Variants in RAPGEF5 observed in about 807,000 individuals in gnomAD.
RAPGEF5 encodes the protein M-Ras-regulated GEF.
Under a neutral mutation model 125.2 loss-of-function variants are expected in RAPGEF5, and 65 were observed. The ratio of observed to expected loss-of-function variants is 0.52; its 90% confidence interval spans 0.43 to 0.64. The LOEUF (loss-of-function observed/expected upper bound fraction) is 0.64, where lower values mean the gene tolerates loss of function less well. Ranked by LOEUF, RAPGEF5 falls within the 30% of genes least tolerant of loss-of-function variation. RAPGEF5 has a pLI of 0.00. For synonymous variants in RAPGEF5, 391 were observed against 385.9 expected (o/e 1.01, Z -0.16); for missense variants, 958 against 1,048.1 (o/e 0.91, Z 1.19).
At chr7:22,155,218 T>C (rs985281147) in intron 16 of RAPGEF5, among the ~76,000 whole-genome samples, 74 of 152,358 alleles carry the variant, frequency 4.9e-4, no homozygotes, top group African/African-American at 1.7e-3. Flanking sequence ...AGTTTCCAAA[T>C]GGAGGTCACA....
intron 8 of RAPGEF5, among the ~76,000 whole-genome samples, chr7:22,222,758 G>C (rs1325389122): frequency 6.6e-6 from 1 of 152,176 alleles, no homozygotes; most frequent in East Asian, 1.9e-4. Flanking sequence ...CAGGATCATT[G>C]TATGTCCTGG....
rs1381735713 is a variant in RAPGEF5 at position 22,310,694 on chromosome 7, C to A, written c.390-604G>T. 2.0e-5 allele frequency among the ~76,000 whole-genome samples: 3 copies of A among 152,084 alleles called. No homozygotes were observed. In the East Asian group the frequency reaches 5.8e-4, roughly 29 times the overall value. On this transcript the variant is annotated intron_variant, in intron 3 of 25. Transcript: ENST00000665637. Reference sequence around the variant, plus strand: ...TGCTATTCTTCAAACAAAGATTGAACCCTAAAATTTACTCCAAGAACAATA... The same window carrying A: ...TGCTATTCTTCAAACAAAGATTGAAACCTAAAATTTACTCCAAGAACAATA...
chr7:22,291,377 G>T (rs1782932015), intron 5 of RAPGEF5, 136 bp from the exon 6 acceptor site: 2 of 1,360,620 alleles, frequency 1.5e-6, no homozygotes, highest in South Asian at 1.6e-5. Flanking sequence ...AACAAAGGTT[G>T]TGACAGTAAC....
chr7:22,310,225 T>C, intron 3 of RAPGEF5, 135 bp from the exon 4 acceptor site: 1 of 899,032 alleles, frequency 1.1e-6, no homozygotes, highest in Non-Finnish European at 1.5e-6. Flanking sequence ...AAATGGCATA[T>C]ACCTCTTATT....
At chr7:22,122,582 C>A (rs1222232338) in intron 25 of RAPGEF5, 61 bp from the exon 26 acceptor site, 5 of 1,217,262 alleles carry the variant, frequency 4.1e-6, no homozygotes, top group Non-Finnish European at 6.0e-6. Flanking sequence ...TATCTACATA[C>A]CAACAAAACC....
intron 5 of RAPGEF5, among the ~76,000 whole-genome samples, chr7:22,295,912 G>C (rs1374092736): frequency 6.6e-6 from 1 of 152,166 alleles, no homozygotes; most frequent in Non-Finnish European, 1.5e-5. Context: ...TCTGGCCAGA[G>C]AGTGTGAATC....
intron 1 of RAPGEF5, among the ~76,000 whole-genome samples, chr7:22,343,424 C>A (rs1001714128): frequency 3.9e-5 from 6 of 152,120 alleles, no homozygotes; most frequent in Non-Finnish European, 7.4e-5. Flanking sequence ...AGAATTGTAA[C>A]AACAGAAAAT....
At chr7:22,166,270 C>A (rs2128114457) in intron 12 of RAPGEF5, among the ~76,000 whole-genome samples, 1 of 151,872 alleles carries the variant, frequency 6.6e-6, no homozygotes, top group African/African-American at 2.4e-5. Flanking sequence ...AAAAGCAATC[C>A]ATTTTCCTTA....
At chr7:22,274,058 C>T (rs1292658472) in intron 6 of RAPGEF5, among the ~76,000 whole-genome samples, 1 of 152,164 alleles carries the variant, frequency 6.6e-6, no homozygotes, top group Non-Finnish European at 1.5e-5. Flanking sequence ...GATTCCATGG[C>T]ATCCCATGCT....
chr7:22,336,066 C>T (rs1784022137), intron 1 of RAPGEF5, among the ~76,000 whole-genome samples: 1 of 152,152 alleles, frequency 6.6e-6, no homozygotes, highest in Admixed American at 6.5e-5. Context: ...AACGCCCAGA[C>T]TTCTTATTCC....
At chr7:22,228,653 AC>A (rs1417841680) in intron 8 of RAPGEF5, among the ~76,000 whole-genome samples, 2 of 147,502 alleles carry the variant, frequency 1.4e-5, no homozygotes, top group African/African-American at 5.0e-5. Context: ...GATTACAGGC[AC>A]CTGCTACCAC....
Position 22,165,700 on chromosome 7 carries a change from T to C in RAPGEF5, c.1283+1370A>G, listed in dbSNP as rs117708895. Among the ~76,000 whole-genome samples the C allele has an allele frequency of 8.8e-4, 134 of 152,298 alleles. 3 individuals carry two copies. In the East Asian group the frequency reaches 0.024, roughly 27 times the overall value. Reference sequence around the variant, plus strand: ...CAGTTATTTATTTTTTTAAGAGAGATGTTACTTTATGTCCTTTATGAAGTT... The same window carrying C: ...CAGTTATTTATTTTTTTAAGAGAGACGTTACTTTATGTCCTTTATGAAGTT... On this transcript the variant is annotated intron_variant, in intron 12 of 25. Transcript: ENST00000665637.
In RAPGEF5 at chr7:22,247,731, C is replaced by T. The variant is rs145978840; in HGVS notation, c.797-16812G>A. ...TATAAATAAAACCAACCTAGAGACCCATTAATGGTGGACTGGATAAAAAAA... is the reference window on the plus strand; with the variant it reads ...TATAAATAAAACCAACCTAGAGACCTATTAATGGTGGACTGGATAAAAAAA... On this transcript the variant is annotated intron_variant, in intron 7 of 25. Coordinates refer to ENST00000665637, the MANE Select transcript of RAPGEF5 (RefSeq NM_012294.5). Among the ~76,000 whole-genome samples, 292 of 148,404 alleles carry T rather than the reference C, an allele frequency of 2.0e-3. 1 individual carries two copies. The highest frequency in any genetic ancestry group is 6.5e-3 in the African/African-American group (260 of 40,294).
At chr7:22,256,447 T>C (rs1005419545) in intron 7 of RAPGEF5, among the ~76,000 whole-genome samples, 4 of 152,154 alleles carry the variant, frequency 2.6e-5, no homozygotes, top group African/African-American at 9.7e-5. Flanking sequence ...GTTACCAAAT[T>C]TTACGCCAGC....
At chr7:22,329,894 G>A (rs570905032) in intron 1 of RAPGEF5, among the ~76,000 whole-genome samples, 15 of 152,188 alleles carry the variant, frequency 9.9e-5, no homozygotes, top group East Asian at 5.8e-4. Flanking sequence ...AACTGCTCCC[G>A]CCGCTCCCAC....
At chr7:22,248,756 A>G in intron 7 of RAPGEF5, among the ~76,000 whole-genome samples, 1 of 152,188 alleles carries the variant, frequency 6.6e-6, no homozygotes, top group East Asian at 1.9e-4. Flanking sequence ...TACCTCCGGA[A>G]CTAGGAGGTA....
chr7:22,229,490 G>A (rs1017580566), intron 8 of RAPGEF5, among the ~76,000 whole-genome samples: 1 of 152,150 alleles, frequency 6.6e-6, no homozygotes, highest in Non-Finnish European at 1.5e-5. Flanking sequence ...TGGCAAATAG[G>A]TGCTCAAGCC....
chr7:22,272,131 C>G (rs112930725), intron 6 of RAPGEF5, among the ~76,000 whole-genome samples: 4,167 of 151,934 alleles, frequency 0.027, 197 homozygotes, highest in African/African-American at 0.096. Flanking sequence ...ATCATGAGGT[C>G]AGGAGTTCGA....
chr7:22,123,293 T>C (rs548611180), intron 25 of RAPGEF5, among the ~76,000 whole-genome samples: 1 of 152,056 alleles, frequency 6.6e-6, no homozygotes, highest in Non-Finnish European at 1.5e-5. Context: ...GGAACCAGGA[T>C]GAAGCAGCAT....
Sources: gnomAD v4.1 joint callset for allele counts (sites outside exome capture counted in the v4.1 genomes callset) on GRCh38, gnomAD v4.1.1 for gene constraint, MANE v1.5 for transcripts, NCBI Gene and HGNC (gene_info 2026-07-23, HGNC 2026-07-21) for gene names.